The following MYT1L variants were observed in gnomAD, a reference collection of about 807,000 sequenced individuals.
MYT1L encodes the protein myelin transcription factor 1 like.
A neutral mutation model predicts 126.7 loss-of-function variants in MYT1L; 12 were observed. That is an observed-to-expected ratio of 0.09 (90% CI 0.06 to 0.15). The LOEUF (loss-of-function observed/expected upper bound fraction) is 0.15. Ranked by LOEUF, MYT1L falls within the 10% of genes least tolerant of loss-of-function variation. The pLI, the probability that MYT1L is intolerant of heterozygous loss-of-function variation, is 1.00. For synonymous variants in MYT1L, 541 were observed against 604.2 expected, an observed-to-expected ratio of 0.90 and a Z score of 1.53; for missense variants, 979 against 1,585.2, an observed-to-expected ratio of 0.62 and a Z score of 6.49.
intron 2 of MYT1L, among the ~76,000 whole-genome samples, chr2:2,225,622 C>T (rs1250681919): frequency 6.6e-6 from 1 of 152,160 alleles, no homozygotes; most frequent in East Asian, 1.9e-4. Flanking sequence ...CTGTCCCACA[C>T]CAGCCTCTCC....
At chr2:2,317,687 C>T (rs1194491989) in intron 1 of MYT1L, among the ~76,000 whole-genome samples, 1 of 151,866 alleles carries the variant, frequency 6.6e-6, no homozygotes, top group Non-Finnish European at 1.5e-5. Context: ...ATGAAGTTTC[C>T]CTGTGTCATG....
At chr2:2,028,396 G>A (rs1356465714) in intron 4 of MYT1L, among the ~76,000 whole-genome samples, 1 of 152,176 alleles carries the variant, frequency 6.6e-6, no homozygotes, top group Non-Finnish European at 1.5e-5. Context: ...AGAATTGAAG[G>A]GACTGAATAG....
chr2:2,140,061 C>T (rs984182620), intron 3 of MYT1L, among the ~76,000 whole-genome samples: 2 of 152,194 alleles, frequency 1.3e-5, no homozygotes, highest in African/African-American at 4.8e-5. Context: ...AAATATGTTG[C>T]TTATTTCTTT....
At chr2:1,834,466 A>G (rs1002432611) in intron 21 of MYT1L, among the ~76,000 whole-genome samples, 4 of 152,236 alleles carry the variant, frequency 2.6e-5, no homozygotes, top group African/African-American at 9.6e-5. Flanking sequence ...CTCAACAGAG[A>G]AAAACCATAG....
chr2:1,978,727 A>G (rs1055781129), intron 8 of MYT1L, among the ~76,000 whole-genome samples: 5 of 152,252 alleles, frequency 3.3e-5, no homozygotes, highest in African/African-American at 1.2e-4. Flanking sequence ...CCCAGGATGA[A>G]CCCCGTTAAA....
chr2:1,891,960 CGCGTGTCTCGGTGGCTGGGTCCGCGG>C, intron 15 of MYT1L, 51 bp downstream of exon 15: 1 of 1,441,236 alleles, frequency 6.9e-7, no homozygotes. Flanking sequence ...CCGAAAGCGC[CGCGTGTCTCGGTGGCTGGGTCCGCGG>C]CCCGGCCTCC....
At position 2,262,932 on chromosome 2, in the gene MYT1L, A is replaced by ATATATATATATAT. The variant is rs1553610292; in HGVS notation, c.-421+21471_-421+21472insATATATATATATA. Among the ~76,000 whole-genome samples, 141 of 41,098 alleles carry ATATATATATATAT rather than the reference A, an allele frequency of 3.4e-3. 19 individuals carry two copies. The highest frequency in any genetic ancestry group is 0.014 in the African/African-American group (129 of 9,356). The allele number at this position is 41,098 out of a possible 152,430, so 27.0% of individuals were successfully genotyped here. A position where few individuals can be genotyped will look rare whatever the true frequency, so the allele number is the denominator to read the frequency against. On this transcript the variant is annotated intron_variant, in intron 2 of 24. Transcript: ENST00000647738. ...GAGGCACAAATATATATATATATAT[A>ATATATATATATAT]ACCTGTGATATATATATATATATCA...
intron 4 of MYT1L, among the ~76,000 whole-genome samples, chr2:2,011,345 G>C (rs955128737): frequency 9.9e-5 from 15 of 151,502 alleles, no homozygotes; most frequent in African/African-American, 3.4e-4. Flanking sequence ...GTGAGTTGCA[G>C]TGAGCCGAGA....
intron 3 of MYT1L, among the ~76,000 whole-genome samples, chr2:2,090,621 A>G (rs1320415110): frequency 3.3e-5 from 5 of 152,138 alleles, no homozygotes; most frequent in African/African-American, 9.7e-5. Flanking sequence ...GAAGTTTTCC[A>G]TATCTATTGG....
chr2:1,823,718 G>T (rs935435303), intron 21 of MYT1L, among the ~76,000 whole-genome samples: 2 of 152,144 alleles, frequency 1.3e-5, no homozygotes, highest in African/African-American at 2.4e-5. Flanking sequence ...CTGCAGGTGG[G>T]TCAGGCTCCT....
intron 3 of MYT1L, among the ~76,000 whole-genome samples, chr2:2,152,378 T>G (rs1009631875): frequency 2.6e-5 from 4 of 152,350 alleles, no homozygotes; most frequent in Middle Eastern, 3.4e-3. Flanking sequence ...AATTTTCCAT[T>G]TGGCATTCTC....
chr2:1,866,428 C>CAG (rs145414989), intron 18 of MYT1L, among the ~76,000 whole-genome samples: 8 of 136,248 alleles, frequency 5.9e-5, no homozygotes, highest in Non-Finnish European at 1.1e-4. Context: ...AGGAGGCAGG[C>CAG]AGAGAGAGAG....
rs570837032 is a variant in MYT1L at position 2,075,590 on chromosome 2, G to C, written c.-303-21467C>G. 1.8e-4 allele frequency among the ~76,000 whole-genome samples: 27 copies of C among 152,332 alleles called. No individual in the cohort carries two copies. The South Asian group carries it at 5.4e-3, about 30-fold the overall frequency. On this transcript the variant is annotated intron_variant, in intron 3 of 24. Coordinates refer to ENST00000647738, the MANE Select transcript of MYT1L (RefSeq NM_001303052.2). ...AGTACTCAACTGTGAGTTTCAAACT[G>C]TAAGAATCATTGGAGGAGGGATGAA...
chr2:1,975,873 C>G (rs2060138515), intron 8 of MYT1L, among the ~76,000 whole-genome samples: 2 of 152,064 alleles, frequency 1.3e-5, no homozygotes, highest in Admixed American at 6.6e-5. Flanking sequence ...CAAAACAAAA[C>G]TAAACTAAAT....
At position 2,255,273 on chromosome 2, in the gene MYT1L, C is replaced by T. The variant is rs13417972; in HGVS notation, c.-421+29131G>A. ...GATTACAGGGTGATTTCTTACCCCC[C>T]TAAATTTCCAACACACACTCATTAC... On this transcript the variant is annotated intron_variant, in intron 2 of 24. Coordinates refer to ENST00000647738, the MANE Select transcript of MYT1L (RefSeq NM_001303052.2). Among the ~76,000 whole-genome samples the T allele has an allele frequency of 5.2e-3, 792 of 152,284 alleles. 6 individuals carry two copies. The highest frequency in any genetic ancestry group is 8.2e-3 in the Non-Finnish European group (560 of 68,010).
intron 2 of MYT1L, among the ~76,000 whole-genome samples, chr2:2,236,064 C>G (rs2094290371): frequency 6.6e-6 from 1 of 152,080 alleles, no homozygotes; most frequent in Non-Finnish European, 1.5e-5. Context: ...CAACCCAACC[C>G]ATTACATCCC....
At chr2:2,286,446 A>G (rs920394715) in intron 1 of MYT1L, among the ~76,000 whole-genome samples, 3 of 152,246 alleles carry the variant, frequency 2.0e-5, no homozygotes, top group Non-Finnish European at 4.4e-5. Flanking sequence ...CAAATGAAAT[A>G]TATGTACACT....
chr2:1,861,239 C>T (rs1047349021), intron 18 of MYT1L, among the ~76,000 whole-genome samples: 11 of 152,128 alleles, frequency 7.2e-5, no homozygotes, highest in Admixed American at 1.3e-4. Flanking sequence ...CTTCCTATCT[C>T]CCTCCGGGAG....
At chr2:2,247,415 A>T (rs752938459) in intron 2 of MYT1L, among the ~76,000 whole-genome samples, 2 of 152,162 alleles carry the variant, frequency 1.3e-5, no homozygotes, top group Non-Finnish European at 2.9e-5. Flanking sequence ...AGACAGATAG[A>T]CCTCAGTGCA....
Sources: gnomAD v4.1 joint callset for allele counts (sites outside exome capture counted in the v4.1 genomes callset) on GRCh38, gnomAD v4.1.1 for gene constraint, MANE v1.5 for transcripts, NCBI Gene and HGNC (gene_info 2026-07-23, HGNC 2026-07-21) for gene names.